NSMCE2: variants seen among roughly 807,000 people sequenced by gnomAD.
NSMCE2 encodes the protein NSE2 SUMO ligase component of SMC5/6 complex.
A neutral mutation model predicts 23.8 loss-of-function variants in NSMCE2; 24 were observed. The observed-to-expected ratio is 1.01, with a 90% CI of 0.73 to 1.42. NSMCE2 has a LOEUF of 1.42. NSMCE2 is among the 40% of genes most tolerant of loss of function. The pLI is 0.00. For missense variants in NSMCE2, 284 were observed against 296.5 expected (o/e 0.96, Z 0.31); for synonymous variants, 92 against 94.1 (o/e 0.98, Z 0.13).
intron 3 of NSMCE2, among the ~76,000 whole-genome samples, chr8:125,121,952 C>T (rs535472572): frequency 1.3e-5 from 2 of 152,130 alleles, no homozygotes; most frequent in South Asian, 4.2e-4. Flanking sequence ...CATATTCTCA[C>T]CCATCATCCT....
chr8:125,155,951 T>G lies in NSMCE2; in HGVS notation c.264+4674T>G, dbSNP rs547174142. On this transcript the variant is annotated intron_variant, in intron 4 of 7. Transcript: ENST00000287437. ...AGAATGACCCAACAAGTTCAGAGATTACTGTCATATATATTTAGCAATTGA... is the reference window on the plus strand; with the variant it reads ...AGAATGACCCAACAAGTTCAGAGATGACTGTCATATATATTTAGCAATTGA... 8.0e-5 allele frequency: 36 copies of G among 452,220 alleles called. No homozygotes were observed. The Middle Eastern group carries it at 2.3e-3, about 28-fold the overall frequency. The allele number at this position is 452,220 out of a possible 1,614,324, so 28.0% of individuals were successfully genotyped here. A position where few individuals can be genotyped will look rare whatever the true frequency, so the allele number is the denominator to read the frequency against.
At chr8:125,348,173 A>G (rs1045191382) in intron 5 of NSMCE2, 5 of 152,208 alleles carry the variant, frequency 3.3e-5, no homozygotes, top group Non-Finnish European at 7.3e-5. Flanking sequence ...CAGTGGTAAA[A>G]ATAATAATAA....
At chr8:125,350,643 A>AAG (rs538026530) in intron 5 of NSMCE2, among the ~76,000 whole-genome samples, 14 of 152,108 alleles carry the variant, frequency 9.2e-5, no homozygotes, top group Non-Finnish European at 2.1e-4. Flanking sequence ...CTGGCAGGCA[A>AAG]AGAGAGAGAG....
At chr8:125,195,485 G>T (rs963013304) in intron 5 of NSMCE2, among the ~76,000 whole-genome samples, 1 of 152,126 alleles carries the variant, frequency 6.6e-6, no homozygotes, top group African/African-American at 2.4e-5. Flanking sequence ...AAGTCACTTA[G>T]TAATTACCTA....
At chr8:125,152,999 G>A (rs1821118934) in intron 4 of NSMCE2, among the ~76,000 whole-genome samples, 1 of 142,366 alleles carries the variant, frequency 7.0e-6, no homozygotes, top group African/African-American at 2.7e-5. Flanking sequence ...GGAGGTTGCA[G>A]TGAGCTGAGA....
intron 5 of NSMCE2, among the ~76,000 whole-genome samples, chr8:125,205,112 C>G (rs775717555): frequency 9.9e-5 from 15 of 152,210 alleles, no homozygotes; most frequent in Non-Finnish European, 2.1e-4. Context: ...TCTTGCTGAT[C>G]TCTTCATGGA....
At chr8:125,265,405 G>GAA (rs1826870450) in intron 5 of NSMCE2, among the ~76,000 whole-genome samples, 1 of 151,838 alleles carries the variant, frequency 6.6e-6, no homozygotes, top group Non-Finnish European at 1.5e-5. Context: ...ATTTTTTGAA[G>GAA]AGACAGGAGT....
At chr8:125,328,138 A>C (rs916167046) in intron 5 of NSMCE2, among the ~76,000 whole-genome samples, 1 of 145,596 alleles carries the variant, frequency 6.9e-6, no homozygotes, top group Non-Finnish European at 1.5e-5. Flanking sequence ...TCATCCAAAG[A>C]CTTCTCACTG....
At chr8:125,349,565 A>C (rs1268302431) in intron 5 of NSMCE2, among the ~76,000 whole-genome samples, 1 of 148,520 alleles carries the variant, frequency 6.7e-6, no homozygotes, top group East Asian at 2.0e-4. Flanking sequence ...CCTCAGCAAC[A>C]TAGTGAGAGC....
intron 5 of NSMCE2, among the ~76,000 whole-genome samples, chr8:125,337,900 A>AAAAAAG (rs1371862118): frequency 4.0e-5 from 6 of 150,998 alleles, no homozygotes; most frequent in African/African-American, 1.5e-4. Context: ...AAAAAAAAAA[A>AAAAAAG]AAAAAGAAAG....
chr8:125,358,120 G>A (rs549383255), intron 7 of NSMCE2, among the ~76,000 whole-genome samples: 30 of 152,232 alleles, frequency 2.0e-4, no homozygotes, highest in Non-Finnish European at 4.1e-4. Context: ...ATCACCTGAG[G>A]TCAGGAGTTC....
chr8:125,159,635 T>C (rs1821499985), intron 4 of NSMCE2, among the ~76,000 whole-genome samples: 1 of 152,150 alleles, frequency 6.6e-6, no homozygotes, highest in Non-Finnish European at 1.5e-5. Context: ...TTTGGTACTA[T>C]CTGGGGTTTT....
intron 3 of NSMCE2, among the ~76,000 whole-genome samples, chr8:125,142,674 G>A (rs550588764): frequency 6.6e-6 from 1 of 151,178 alleles, no homozygotes; most frequent in Non-Finnish European, 1.5e-5. Context: ...GTGCTATCTT[G>A]GCTCACCACA....
intron 1 of NSMCE2, among the ~76,000 whole-genome samples, chr8:125,096,375 A>C (rs1376915080): frequency 6.6e-6 from 1 of 152,200 alleles, no homozygotes; most frequent in Non-Finnish European, 1.5e-5. Flanking sequence ...TGCCCTGAGA[A>C]ATAGTCTCAA....
At chr8:125,176,083 A>G (rs1822476726) in intron 4 of NSMCE2, among the ~76,000 whole-genome samples, 1 of 152,220 alleles carries the variant, frequency 6.6e-6, no homozygotes, top group Admixed American at 6.5e-5. Flanking sequence ...CATGTAGCTA[A>G]GTATTCACAA....
chr8:125,126,581 G>GA (rs1819529977), intron 3 of NSMCE2, among the ~76,000 whole-genome samples: 1 of 152,118 alleles, frequency 6.6e-6, no homozygotes, highest in Admixed American at 6.5e-5. Flanking sequence ...CTTGATGCAC[G>GA]AAAGTCCTAT....
intron 3 of NSMCE2, among the ~76,000 whole-genome samples, chr8:125,114,126 G>A (rs1818887287): frequency 6.6e-6 from 1 of 151,996 alleles, no homozygotes; most frequent in Admixed American, 6.6e-5. Context: ...ATTTAGAATT[G>A]CAGCATGTCC....
chr8:125,106,628 T>G (rs1818468610), intron 3 of NSMCE2, among the ~76,000 whole-genome samples: 1 of 150,550 alleles, frequency 6.6e-6, no homozygotes, highest in Non-Finnish European at 1.5e-5. Context: ...GAGGTTGCAG[T>G]GAGCAGAGAT....
chr8:125,334,360 G>A (rs1829996079), intron 5 of NSMCE2, among the ~76,000 whole-genome samples: 1 of 152,158 alleles, frequency 6.6e-6, no homozygotes, highest in Admixed American at 6.5e-5. Context: ...CTCTGCCCTT[G>A]AGAACAGCGC....
Sources: gnomAD v4.1 joint callset for allele counts (sites outside exome capture counted in the v4.1 genomes callset) on GRCh38, gnomAD v4.1.1 for gene constraint, MANE v1.5 for transcripts, NCBI Gene and HGNC (gene_info 2026-07-23, HGNC 2026-07-21) for gene names.